GRIP2: variants seen among roughly 807,000 people sequenced by gnomAD.
GRIP2 encodes glutamate receptor-interacting protein 2.
GRIP2 carries 58 observed loss-of-function variants against 108.3 expected under a neutral mutation model. That is an observed-to-expected ratio of 0.54 (90% CI 0.43 to 0.67). The LOEUF is 0.67. Ranked by LOEUF, GRIP2 falls within the 30% of genes least tolerant of loss-of-function variation. The probability of loss-of-function intolerance (pLI) is 0.00; values close to 1 mark genes in which losing one functional copy is unlikely to be tolerated. For synonymous variants in GRIP2, 586 were observed against 598.2 expected (o/e 0.98, Z 0.30); for missense variants, 1,278 against 1,430.6 (o/e 0.89, Z 1.72).
rs2125014458 is a variant in GRIP2 at position 14,493,372 on chromosome 3, T to G, written c.*293A>C. ...ACCTGGGACAGCCCCCAGGCCTCTC[T>G]CCTCTCGGCTGAGCAGCCTGTGCCA... is the stretch of plus-strand genomic sequence containing the variant. On this transcript the variant is annotated 3_prime_UTR_variant, in exon 24 of 24. Coordinates refer to ENST00000621039, the MANE Select transcript of GRIP2 (RefSeq NM_001080423.4). 2.6e-6 allele frequency: 1 copy of G among 377,806 alleles called. No homozygotes were observed. The highest frequency in any genetic ancestry group is 4.5e-5 in the East Asian group (1 of 22,388). The allele number at this position is 377,806 out of a possible 1,614,324, so 23.4% of individuals were successfully genotyped here. A position where few individuals can be genotyped will look rare whatever the true frequency, so the allele number is the denominator to read the frequency against.
intron 1 of GRIP2, among the ~76,000 whole-genome samples, chr3:14,553,962 C>T (rs1357994120): frequency 6.6e-6 from 1 of 152,146 alleles, no homozygotes; most frequent in Non-Finnish European, 1.5e-5. Flanking sequence ...TTGAGCCCTC[C>T]TTTTTCCTTT....
At chr3:14,509,698 T>A (rs1368072644) in intron 17 of GRIP2, 122 bp downstream of exon 17, 2 of 1,030,188 alleles carry the variant, frequency 1.9e-6, no homozygotes, top group African/African-American at 1.7e-5. Context: ...ACTGGCCCAA[T>A]GTCACCCACA....
At chr3:14,591,049 G>A in the GRIP2 span, among the ~76,000 whole-genome samples, 3 of 152,100 alleles carry the variant, frequency 2.0e-5, no homozygotes, top group Non-Finnish European at 4.4e-5. Flanking sequence ...CTCCACATGT[G>A]CACCTCACAC....
chr3:14,599,693 GTGTGTGTGTGTGTGTGTGTT>G, the GRIP2 span, among the ~76,000 whole-genome samples: 3 of 149,278 alleles, frequency 2.0e-5, no homozygotes, highest in Non-Finnish European at 3.0e-5. Flanking sequence ...CTCTGTGTGT[GTGTGTGTGTGTGTGTGTGTT>G]TGTGTGTGTG....
upstream of GRIP2, among the ~76,000 whole-genome samples, chr3:14,557,137 A>ATCACT (rs1252545199): frequency 6.6e-6 from 1 of 152,196 alleles, no homozygotes; most frequent in Non-Finnish European, 1.5e-5. Context: ...GCCAATCCCC[A>ATCACT]TCACTTCGCA....
At chr3:14,565,417 G>C in the GRIP2 span, among the ~76,000 whole-genome samples, 1 of 152,132 alleles carries the variant, frequency 6.6e-6, no homozygotes, top group Non-Finnish European at 1.5e-5. Flanking sequence ...GGCTGGAGTG[G>C]AGCTGGACCC....
the GRIP2 span, among the ~76,000 whole-genome samples, chr3:14,570,243 A>G: frequency 6.6e-6 from 1 of 152,224 alleles, no homozygotes; most frequent in Non-Finnish European, 1.5e-5. Flanking sequence ...TCACAGAGCT[A>G]TTCCTCTTTG....
intron 21 of GRIP2, among the ~76,000 whole-genome samples, chr3:14,501,631 C>T (rs992154249): frequency 1.3e-5 from 2 of 152,186 alleles, no homozygotes; most frequent in African/African-American, 4.8e-5. Flanking sequence ...ATTTCATTAT[C>T]TTAAAAATAC....
the GRIP2 span, among the ~76,000 whole-genome samples, chr3:14,572,426 A>C: frequency 1.3e-5 from 2 of 151,148 alleles, no homozygotes; most frequent in African/African-American, 4.9e-5. Context: ...TCCCGGCTAA[A>C]ACGGTGAAAC....
chr3:14,496,916 T>C (rs1250728704), intron 21 of GRIP2, among the ~76,000 whole-genome samples: 7 of 151,704 alleles, frequency 4.6e-5, no homozygotes, highest in African/African-American at 9.7e-5. Flanking sequence ...TCCTTAGAGA[T>C]ATAAAAAAGA....
chr3:14,548,531 G>A lies in GRIP2; in HGVS notation c.55+7369C>T, dbSNP rs149276624. Among the ~76,000 whole-genome samples the A allele has an allele frequency of 2.0e-4, 31 of 152,310 alleles. No homozygotes were observed. The East Asian group carries it at 3.1e-3, about 15-fold the overall frequency. On this transcript the variant is annotated intron_variant, in intron 1 of 23. Transcript: ENST00000637182. Reference sequence around the variant, plus strand: ...GAGGGGTGGGCACAGCTGTCATCCCGTGCCTGTGACCGGCTTTGGTGCCAG... The same window carrying A: ...GAGGGGTGGGCACAGCTGTCATCCCATGCCTGTGACCGGCTTTGGTGCCAG...
intron 21 of GRIP2, among the ~76,000 whole-genome samples, chr3:14,501,955 A>G (rs1442840600): frequency 2.0e-5 from 3 of 152,136 alleles, no homozygotes; most frequent in Non-Finnish European, 4.4e-5. Context: ...GATCAATAGA[A>G]AAAAGGAAAG....
chr3:14,538,929 G>T (rs1262326159), intron 1 of GRIP2, among the ~76,000 whole-genome samples: 1 of 152,208 alleles, frequency 6.6e-6, no homozygotes, highest in Non-Finnish European at 1.5e-5. Flanking sequence ...AGTGCCCCAG[G>T]TAAGGTCTCC....
intron 11 of GRIP2, 42 bp downstream of exon 11, chr3:14,517,022 C>G: frequency 6.9e-7 from 1 of 1,457,788 alleles, no homozygotes; most frequent in Non-Finnish European, 9.1e-7. Context: ...CACTCTCAGA[C>G]ATACAAGCAG....
rs771020460 is a variant in GRIP2, at chr3:14,517,101, C to T, written c.1269G>A (p.Gly423=). The T allele has an allele frequency of 1.9e-6, 3 of 1,607,088 alleles. No individual in the cohort carries two copies. The highest frequency in any genetic ancestry group is 2.3e-5 in the East Asian group (1 of 44,226). ...SQPMSPRTTM[G]RRRQRRREHK... ...GTTCCCTTCTTCGCTGCCTCCTCCG[C>T]CCCATTGTAGTTCGAGGACTCATGG... The change falls in exon 11 of 24, where the codon GGG becomes GGA. Residue 423 remains glycine (G), a synonymous_variant. Coordinates refer to ENST00000621039, the MANE Select transcript of GRIP2 (RefSeq NM_001080423.4).
the GRIP2 span, chr3:14,573,523 C>A: frequency 1.3e-6 from 2 of 1,517,856 alleles, no homozygotes; most frequent in South Asian, 2.2e-5. Context: ...ATGCAGTGCA[C>A]CTGAGAGCAG....
At chr3:14,577,010 T>A in the GRIP2 span, among the ~76,000 whole-genome samples, 1 of 152,248 alleles carries the variant, frequency 6.6e-6, no homozygotes, top group African/African-American at 2.4e-5. Flanking sequence ...AACACATTTC[T>A]TTGCTCGTAG....
chr3:14,556,120 G>C (rs375343550), upstream of GRIP2: 2 of 396,750 alleles, frequency 5.0e-6, no homozygotes, highest in Non-Finnish European at 8.9e-6. Context: ...AATCCTCCCC[G>C]GAGCCAGCGG....
chr3:14,601,834 T>C, the GRIP2 span, among the ~76,000 whole-genome samples: 1 of 152,066 alleles, frequency 6.6e-6, no homozygotes, highest in Non-Finnish European at 1.5e-5. Flanking sequence ...AGGCCCAACC[T>C]GGGGGGCAGA....
Sources: allele counts gnomAD v4.1 joint callset (sites outside exome capture counted in the v4.1 genomes callset), GRCh38; gene constraint gnomAD v4.1.1; transcripts MANE v1.5; gene names NCBI Gene and HGNC (gene_info 2026-07-23, HGNC 2026-07-21).